LDLRAD4: variants seen among roughly 807,000 people sequenced by gnomAD.
The protein encoded by LDLRAD4 is low density lipoprotein receptor class A domain containing 4, also known as low-density lipoprotein receptor class A domain-containing protein 4.
Under a neutral mutation model 17.0 loss-of-function variants are expected in LDLRAD4, and 5 were observed. That is an observed-to-expected ratio of 0.29 (90% confidence interval 0.15 to 0.62). The LOEUF (loss-of-function observed/expected upper bound fraction) is 0.62, where lower values mean the gene tolerates loss of function less well. LDLRAD4 is among the 20% of genes least tolerant of loss of function. The pLI, the probability that LDLRAD4 is intolerant of heterozygous loss-of-function variation, is 0.84. For synonymous variants in LDLRAD4, 168 were observed against 171.8 expected, an observed-to-expected ratio of 0.98 and a Z score of 0.17; for missense variants, 340 against 424.7, an observed-to-expected ratio of 0.80 and a Z score of 1.75.
intron 3 of LDLRAD4, among the ~76,000 whole-genome samples, chr18:13,575,361 T>C (rs1023068349): frequency 1.6e-4 from 24 of 152,254 alleles, no homozygotes; most frequent in Admixed American, 1.4e-3. Flanking sequence ...TCACTTAGAA[T>C]AATAGTCTCC....
intron 1 of LDLRAD4, among the ~76,000 whole-genome samples, chr18:13,245,450 A>G (rs1426975439): frequency 6.6e-6 from 1 of 152,204 alleles, no homozygotes; most frequent in Non-Finnish European, 1.5e-5. Context: ...GCCAATTGCT[A>G]TGATATGGGG....
intron 4 of LDLRAD4, among the ~76,000 whole-genome samples, chr18:13,635,670 G>A (rs1275848170): frequency 1.3e-5 from 2 of 152,210 alleles, no homozygotes; most frequent in Non-Finnish European, 2.9e-5. Context: ...TTGCTCAAGT[G>A]TAAAGGAGTC....
At chr18:13,625,140 G>A (rs890708743) in intron 4 of LDLRAD4, among the ~76,000 whole-genome samples, 1 of 152,196 alleles carries the variant, frequency 6.6e-6, no homozygotes, top group Non-Finnish European at 1.5e-5. Flanking sequence ...TTGTTGGGGA[G>A]CCTCCTGTGA....
At chr18:13,414,624 G>A (rs1388421491) in intron 2 of LDLRAD4, among the ~76,000 whole-genome samples, 5 of 152,218 alleles carry the variant, frequency 3.3e-5, no homozygotes, top group African/African-American at 1.2e-4. Flanking sequence ...CCAGCAGGAG[G>A]TCCATTAAAC....
intron 1 of LDLRAD4, among the ~76,000 whole-genome samples, chr18:13,239,020 T>C (rs1443030620): frequency 6.6e-6 from 1 of 151,882 alleles, no homozygotes; most frequent in Non-Finnish European, 1.5e-5. Context: ...ACCCTGTCTC[T>C]ACTAAAAATA....
chr18:13,224,741 A>G (rs751884970), intron 1 of LDLRAD4, among the ~76,000 whole-genome samples: 5 of 151,438 alleles, frequency 3.3e-5, no homozygotes, highest in East Asian at 3.9e-4. Context: ...TGGCCTCCCA[A>G]AGTGCTGAGA....
chr18:13,389,581 G>C (rs112183515), intron 2 of LDLRAD4, among the ~76,000 whole-genome samples: 1 of 152,148 alleles, frequency 6.6e-6, no homozygotes, highest in Non-Finnish European at 1.5e-5. Flanking sequence ...AAAAGAGCCC[G>C]AGGAAAAGTG....
chr18:13,352,352 A>G (rs2083091817), intron 1 of LDLRAD4, among the ~76,000 whole-genome samples: 1 of 152,080 alleles, frequency 6.6e-6, no homozygotes, highest in Non-Finnish European at 1.5e-5. Context: ...GTTTTGGAAC[A>G]TACAGAATTC....
intron 3 of LDLRAD4, among the ~76,000 whole-genome samples, chr18:13,524,348 A>G (rs1320064782): frequency 6.6e-6 from 1 of 152,220 alleles, no homozygotes; most frequent in Non-Finnish European, 1.5e-5. Flanking sequence ...ACATTCTGTT[A>G]CACCTGTTTA....
rs1005033983 is a variant in LDLRAD4 at position 13,440,953 on chromosome 18, C to G, written c.181+2569C>G. ...GCTGCCACCTGGCCTGTGGCTGCCC[C>G]CTACGTTCCCCTCAGGTTCTCTGCA... On this transcript the variant is annotated intron_variant, in intron 3 of 5. Coordinates refer to ENST00000359446, the Ensembl canonical transcript of LDLRAD4. The surrounding 1 kb of genome is among the most constrained non-coding windows in gnomAD (Gnocchi z 4.4). 2.0e-5 allele frequency among the ~76,000 whole-genome samples: 3 copies of G among 152,180 alleles called. No individual in the cohort carries two copies. Among genetic ancestry groups the G allele is most frequent in the African/African-American group, 7.2e-5 (3 of 41,440 alleles).
At chr18:13,566,795 A>G (rs190710998) in intron 3 of LDLRAD4, among the ~76,000 whole-genome samples, 1 of 152,172 alleles carries the variant, frequency 6.6e-6, no homozygotes, top group African/African-American at 2.4e-5. Context: ...AAAAGAGAGG[A>G]TTTAAATATG....
intron 4 of LDLRAD4, chr18:13,641,772 G>A: frequency 3.0e-6 from 3 of 985,584 alleles, no homozygotes; most frequent in African/African-American, 1.7e-5. Flanking sequence ...GGCCTCGGGG[G>A]CGCAGCCGGA....
chr18:13,519,316 G>A lies in LDLRAD4; in HGVS notation c.181+80932G>A, dbSNP rs8088325. ...ATCCTTCTAGTTCCAGAAACATGTG[G>A]CATCAACCTACGTGGCTCTCCCTGG... On this transcript the variant is annotated intron_variant, in intron 3 of 5. Transcript: ENST00000359446. Among the ~76,000 whole-genome samples, 987 of 152,272 alleles carry A rather than the reference G, an allele frequency of 6.5e-3. 11 individuals carry two copies. The highest frequency in any genetic ancestry group is 0.023 in the African/African-American group (950 of 41,544).
chr18:13,418,908 C>T (rs1287677931), intron 2 of LDLRAD4, among the ~76,000 whole-genome samples: 1 of 152,126 alleles, frequency 6.6e-6, no homozygotes, highest in African/African-American at 2.4e-5. Flanking sequence ...GACTGAAAAC[C>T]AGGAAATAGA....
chr18:13,518,904 A>T lies in LDLRAD4; in HGVS notation c.181+80520A>T, dbSNP rs368315090. ...TTTCCTTGCAGGCCGCTAGGGTAGG[A>T]AGGGTCTCGGGGATGAATTTATTCC... On this transcript the variant is annotated intron_variant, in intron 3 of 5. Transcript: ENST00000359446. 1.8e-4 allele frequency among the ~76,000 whole-genome samples: 27 copies of T among 152,202 alleles called. No individual in the cohort carries two copies. The East Asian group carries it at 4.8e-3, about 27-fold the overall frequency.
At chr18:13,339,963 C>T (rs1309206094) in intron 1 of LDLRAD4, among the ~76,000 whole-genome samples, 4 of 152,118 alleles carry the variant, frequency 2.6e-5, no homozygotes, top group Non-Finnish European at 5.9e-5. Context: ...CCTCCTCAGC[C>T]CTGGCAACTG....
At chr18:13,284,629 C>A (rs1348551359) in intron 1 of LDLRAD4, among the ~76,000 whole-genome samples, 1 of 152,072 alleles carries the variant, frequency 6.6e-6, no homozygotes, top group Non-Finnish European at 1.5e-5. Flanking sequence ...AATAGCATTG[C>A]TTTTTATGGG....
At chr18:13,617,213 C>T (rs1159148790) in intron 3 of LDLRAD4, among the ~76,000 whole-genome samples, 1 of 151,948 alleles carries the variant, frequency 6.6e-6, no homozygotes, top group Non-Finnish European at 1.5e-5. Flanking sequence ...GCTGAGATTC[C>T]AGGCACGCCT....
intron 3 of LDLRAD4, among the ~76,000 whole-genome samples, chr18:13,516,399 G>T (rs1243922257): frequency 6.6e-6 from 1 of 152,200 alleles, no homozygotes; most frequent in African/African-American, 2.4e-5. Flanking sequence ...ACACACACCT[G>T]TATTTGTTCA....
Sources: allele counts gnomAD v4.1 joint callset (sites outside exome capture counted in the v4.1 genomes callset), GRCh38; gene constraint gnomAD v4.1.1; non-coding constraint Gnocchi (gnomAD v3.1); transcripts MANE v1.5; gene names NCBI Gene and HGNC (gene_info 2026-07-23, HGNC 2026-07-21).